The following URGCP variants were observed in gnomAD, a reference collection of about 807,000 sequenced individuals.
The protein encoded by URGCP is up-regulator of cell proliferation.
A neutral mutation model predicts 24.6 loss-of-function variants in URGCP; 13 were observed. The ratio of observed to expected loss-of-function variants is 0.53; its 90% confidence interval spans 0.34 to 0.84. URGCP has a LOEUF of 0.84. URGCP is among the 40% of genes least tolerant of loss of function. The pLI is 0.01. For missense variants in URGCP, 899 were observed against 1,194.3 expected, an observed-to-expected ratio of 0.75 and a Z score of 3.64; for synonymous variants, 444 against 487.2, an observed-to-expected ratio of 0.91 and a Z score of 1.17.
At chr7:43,879,364 C>A (rs1355120540) in intron 5 of URGCP, 104 bp from the exon 6 acceptor site, 2 of 1,358,610 alleles carry the variant, frequency 1.5e-6, no homozygotes. Context: ...AGAGTGACGA[C>A]CCCCTTCAGA....
chr7:43,904,590 G>A (rs1160325665), intron 1 of URGCP, among the ~76,000 whole-genome samples: 2 of 152,194 alleles, frequency 1.3e-5, no homozygotes, highest in African/African-American at 4.8e-5. Context: ...ATCTACCAGG[G>A]AAGCCTGTAG....
intron 3 of URGCP, among the ~76,000 whole-genome samples, chr7:43,885,807 T>C (rs1230156163): frequency 6.6e-6 from 1 of 152,258 alleles, no homozygotes; most frequent in Non-Finnish European, 1.5e-5. Context: ...ATGTCCAAGC[T>C]GCAGCCACTC....
Position 43,877,745 on chromosome 7 carries a change from C to T in URGCP, c.1718G>A (p.Gly573Asp). Residue 573 changes from glycine to aspartate, a missense_variant, in exon 6 of 6, where the codon GGC becomes GAC. Transcript: ENST00000453200. ...KQYFLRWMEW[G>D]LARVAQPRLR... is the part of the protein sequence containing the mutation. ...TCGCGGCTGGGCCACCCGTGCCAGG[C>T]CCCACTCCATCCACCTCAGGAAGTA... 6.2e-7 allele frequency: 1 copy of T among 1,606,660 alleles called. No homozygotes were observed. Among genetic ancestry groups the T allele is most frequent in the Non-Finnish European group, 8.5e-7 (1 of 1,176,656 alleles).
chr7:43,889,225 T>G (rs1178644033), intron 1 of URGCP: 1 of 152,228 alleles, frequency 6.6e-6, no homozygotes, highest in Non-Finnish European at 1.5e-5. Flanking sequence ...GACTCATGCC[T>G]GTAATTCCAG....
intron 1 of URGCP, among the ~76,000 whole-genome samples, chr7:43,903,914 A>T (rs1000892465): frequency 1.3e-5 from 2 of 152,198 alleles, no homozygotes; most frequent in Non-Finnish European, 2.9e-5. Context: ...GTGAAAGAGC[A>T]GGCAGAGGAG....
At chr7:43,895,629 C>T (rs1009851246) in intron 1 of URGCP, among the ~76,000 whole-genome samples, 2 of 152,204 alleles carry the variant, frequency 1.3e-5, no homozygotes, top group Non-Finnish European at 2.9e-5. Flanking sequence ...GAGGTGAGAT[C>T]ATGGCACTGC....
intron 1 of URGCP, among the ~76,000 whole-genome samples, chr7:43,925,114 C>T (rs758233369): frequency 1.5e-4 from 23 of 152,060 alleles, no homozygotes; most frequent in South Asian, 6.2e-4. Context: ...CTGTAGGCCA[C>T]GGGGCTTCCT....
At chr7:43,896,905 T>G (rs1223855542) in intron 1 of URGCP, among the ~76,000 whole-genome samples, 3 of 152,226 alleles carry the variant, frequency 2.0e-5, no homozygotes, top group African/African-American at 7.2e-5. Flanking sequence ...TGTAGATTTA[T>G]CCACATATTT....
rs1184741828 is a variant in URGCP, at chr7:43,878,959, A to G, written c.504T>C (p.Ile168=). Reference sequence around the variant, plus strand: ...GGGTGGGCAGCTCAGAAAAGGAATAAATGTCGGCAGCAAGGTCATCAGCTG... The same window carrying G: ...GGGTGGGCAGCTCAGAAAAGGAATAGATGTCGGCAGCAAGGTCATCAGCTG... The part of the protein sequence containing the change: ...WDPADDLAAD[I]YSFSELPTPD... The change falls in exon 6 of 6, where the codon ATT becomes ATC. Residue 168 remains isoleucine (I), a synonymous_variant. Coordinates refer to ENST00000453200, the MANE Select transcript of URGCP (RefSeq NM_001077663.3). The surrounding 1 kb of genome is among the most constrained non-coding windows in gnomAD (Gnocchi z 5.6). The G allele has an allele frequency of 6.2e-6, 10 of 1,614,012 alleles. No individual in the cohort carries two copies. Among genetic ancestry groups the G allele is most frequent in the Non-Finnish European group, 8.5e-6 (10 of 1,180,034 alleles).
intron 1 of URGCP, among the ~76,000 whole-genome samples, chr7:43,898,589 A>C (rs2095883105): frequency 6.6e-6 from 1 of 152,006 alleles, no homozygotes; most frequent in Non-Finnish European, 1.5e-5. Context: ...CAACACAGTG[A>C]AACCCCACTC....
intron 1 of URGCP, among the ~76,000 whole-genome samples, chr7:43,898,787 A>T (rs779093544): frequency 1.6e-3 from 120 of 76,538 alleles, no homozygotes; most frequent in South Asian, 5.3e-3. Context: ...ATAAATAAAT[A>T]AATTTATTTT....
At chr7:43,921,888 TTTTC>T (rs1341041149) in intron 1 of URGCP, among the ~76,000 whole-genome samples, 2 of 151,850 alleles carry the variant, frequency 1.3e-5, no homozygotes, top group African/African-American at 4.8e-5. Context: ...AAGCACGAGG[TTTTC>T]TTTTTCTTTT....
At chr7:43,885,187 AC>A (rs886853850) in intron 3 of URGCP, among the ~76,000 whole-genome samples, 2 of 150,280 alleles carry the variant, frequency 1.3e-5, no homozygotes, top group Admixed American at 6.7e-5. Flanking sequence ...AGAAACCTCC[AC>A]CTCCCAGGTT....
intron 5 of URGCP, chr7:43,881,301 TAAATCGTTTCC>T: frequency 1.5e-6 from 1 of 688,798 alleles, no homozygotes; most frequent in Non-Finnish European, 2.6e-6. Flanking sequence ...TTGGACCAGA[TAAATCGTTTCC>T]AAACCGGGCT....
intron 1 of URGCP, chr7:43,918,752 C>A: frequency 2.4e-6 from 2 of 819,216 alleles, no homozygotes. Context: ...AGATTGGGTT[C>A]GAGTTCTGGA....
At chr7:43,906,455 T>G in intron 1 of URGCP, 107 bp downstream of exon 1, 3 of 1,057,684 alleles carry the variant, frequency 2.8e-6, no homozygotes, top group Non-Finnish European at 3.4e-6. Flanking sequence ...CCTGGCCGGG[T>G]CCGGGCCGCA....
At chr7:43,881,244 T>C (rs963305352) in intron 5 of URGCP, 3 of 702,768 alleles carry the variant, frequency 4.3e-6, no homozygotes, top group Non-Finnish European at 7.8e-6. Context: ...CCTTGGCAGG[T>C]TGTTTGGAAG....
chr7:43,924,288 G>A (rs547573154), intron 1 of URGCP, among the ~76,000 whole-genome samples: 1 of 152,168 alleles, frequency 6.6e-6, no homozygotes, highest in South Asian at 2.1e-4. Context: ...ACTACCAACA[G>A]GGAATAGAAA....
chr7:43,904,067 T>A (rs2095896662), intron 1 of URGCP, among the ~76,000 whole-genome samples: 1 of 152,210 alleles, frequency 6.6e-6, no homozygotes, highest in Non-Finnish European at 1.5e-5. Context: ...CTCTGCCGTC[T>A]CTATACTGCT....
Sources: gnomAD v4.1 joint callset for allele counts (sites outside exome capture counted in the v4.1 genomes callset) on GRCh38, gnomAD v4.1.1 for gene constraint, Gnocchi (gnomAD v3.1) non-coding constraint, MANE v1.5 for transcripts, NCBI Gene and HGNC (gene_info 2026-07-23, HGNC 2026-07-21) for gene names.